Variants in ITPRID1 observed in about 807,000 individuals in gnomAD.
ITPRID1 encodes the protein ITPR interacting domain containing 1, also known as protein ITPRID1.
A neutral mutation model predicts 95.4 loss-of-function variants in ITPRID1; 96 were observed. That is an observed-to-expected ratio of 1.01 (90% CI 0.85 to 1.19). ITPRID1 has a LOEUF of 1.19. Among genes scored for constraint, ITPRID1 ranks in the 50% most tolerant of loss-of-function variants. The pLI is 0.00. For synonymous variants in ITPRID1, 510 were observed against 453.6 expected (o/e 1.12, Z -1.58); for missense variants, 1,339 against 1,252.9 (o/e 1.07, Z -1.04).
chr7:31,527,905 A>T (rs1217285814), intron 1 of ITPRID1, among the ~76,000 whole-genome samples: 1 of 152,164 alleles, frequency 6.6e-6, no homozygotes, highest in East Asian at 1.9e-4. Context: ...CCTGAAAGGG[A>T]AGTGTTCTAT....
chr7:31,590,889 A>G lies in ITPRID1; in HGVS notation c.1228+7698A>G, dbSNP rs373934267. 2.0e-5 allele frequency among the ~76,000 whole-genome samples: 3 copies of G among 152,358 alleles called. No individual in the cohort carries two copies. The East Asian group carries it at 5.8e-4, about 29-fold the overall frequency. ...GTAGGCACTGTTACTATTTCTGTGT[A>G]TTAGATGAAGAAACAAGCATGGAGA... is the stretch of plus-strand genomic sequence containing the variant. On this transcript the variant is annotated intron_variant, in intron 10 of 14. Coordinates refer to ENST00000615280, the MANE Select transcript of ITPRID1 (RefSeq NM_001257967.3).
At chr7:31,536,037 T>G (rs911251468) in intron 1 of ITPRID1, among the ~76,000 whole-genome samples, 1 of 152,170 alleles carries the variant, frequency 6.6e-6, no homozygotes, top group African/African-American at 2.4e-5. Context: ...TAGGAAAATA[T>G]CAGGCTATTA....
At chr7:31,610,427 CTATCT>C (rs553593310) in intron 10 of ITPRID1, among the ~76,000 whole-genome samples, 240 of 151,812 alleles carry the variant, frequency 1.6e-3, no homozygotes, top group African/African-American at 5.5e-3. Flanking sequence ...AACAGAAATC[CTATCT>C]TATCAATAAT....
chr7:31,591,380 G>A (rs1436225480), intron 10 of ITPRID1, among the ~76,000 whole-genome samples: 2 of 152,120 alleles, frequency 1.3e-5, no homozygotes, highest in Admixed American at 1.3e-4. Context: ...CACATATGCA[G>A]CCATAACAAC....
chr7:31,559,863 T>C (rs1784569995), intron 5 of ITPRID1, among the ~76,000 whole-genome samples: 1 of 152,222 alleles, frequency 6.6e-6, no homozygotes, highest in African/African-American at 2.4e-5. Context: ...ACATCAGCTC[T>C]ATTTCCTTGC....
At chr7:31,535,255 T>C (rs10249464) in intron 1 of ITPRID1, among the ~76,000 whole-genome samples, 88,933 of 151,804 alleles carry the variant, frequency 0.59, 27,063 homozygotes, top group Middle Eastern at 0.71. Context: ...ATGTAAAAAC[T>C]TTCTAATGGT....
chr7:31,577,392 T>C (rs1785223103), intron 8 of ITPRID1, among the ~76,000 whole-genome samples: 1 of 152,220 alleles, frequency 6.6e-6, no homozygotes, highest in Non-Finnish European at 1.5e-5. Context: ...CTTCTGACTC[T>C]ATATGCCATG....
At chr7:31,516,830 T>G (rs1248489530) in intron 1 of ITPRID1, among the ~76,000 whole-genome samples, 1 of 152,168 alleles carries the variant, frequency 6.6e-6, no homozygotes, top group African/African-American at 2.4e-5. Flanking sequence ...TGGTGGGTTC[T>G]CGGTCTCGCT....
chr7:31,631,439 G>T (rs1788987465), intron 10 of ITPRID1, among the ~76,000 whole-genome samples: 1 of 152,100 alleles, frequency 6.6e-6, no homozygotes. Context: ...TACATAGAAA[G>T]ATTTTAGTCA....
At chr7:31,589,399 CTG>C (rs944653908) in intron 10 of ITPRID1, among the ~76,000 whole-genome samples, 3 of 152,052 alleles carry the variant, frequency 2.0e-5, no homozygotes, top group Admixed American at 6.6e-5. Flanking sequence ...ACAGAGAAAA[CTG>C]TGCGAGAAAA....
rs555345839 is a variant in ITPRID1, at chr7:31,531,657, A to G, written c.-98+17537A>G. Among the ~76,000 whole-genome samples the G allele has an allele frequency of 3.9e-5, 6 of 152,316 alleles. No individual in the cohort carries two copies. In the South Asian group the frequency reaches 1.2e-3, roughly 32 times the overall value. On this transcript the variant is annotated intron_variant, in intron 1 of 14. Transcript: ENST00000615280. Reference sequence around the variant, plus strand: ...CTAGGGGTGCTGACAGGAGGCCTACAGGAAGCCCGCAGGGAATTCAACTAG... The same window carrying G: ...CTAGGGGTGCTGACAGGAGGCCTACGGGAAGCCCGCAGGGAATTCAACTAG...
chr7:31,529,574 C>A, intron 1 of ITPRID1: 1 of 531,706 alleles, frequency 1.9e-6, no homozygotes, highest in Non-Finnish European at 3.3e-6. Context: ...GAGAGAATCA[C>A]TTTGTGTCTT....
intron 10 of ITPRID1, among the ~76,000 whole-genome samples, chr7:31,614,090 T>C (rs1583574508): frequency 6.6e-6 from 1 of 152,264 alleles, no homozygotes; most frequent in Admixed American, 6.5e-5. Context: ...TATATCAAAG[T>C]TTAAGAACTC....
At chr7:31,600,284 G>A (rs1196518166) in intron 10 of ITPRID1, among the ~76,000 whole-genome samples, 1 of 152,164 alleles carries the variant, frequency 6.6e-6, no homozygotes, top group Non-Finnish European at 1.5e-5. Context: ...GTATCAGAAA[G>A]CTTTAACTTT....
At chr7:31,584,497 AG>A (rs1469708635) in intron 10 of ITPRID1, among the ~76,000 whole-genome samples, 1 of 152,220 alleles carries the variant, frequency 6.6e-6, no homozygotes, top group Non-Finnish European at 1.5e-5. Context: ...CATTCTATTA[AG>A]AGGTCAATTA....
At chr7:31,601,190 T>C (rs1200367005) in intron 10 of ITPRID1, among the ~76,000 whole-genome samples, 1 of 152,058 alleles carries the variant, frequency 6.6e-6, no homozygotes, top group African/African-American at 2.4e-5. Context: ...AATAGATAAA[T>C]AGAAAGCTGC....
At chr7:31,607,708 T>C (rs936872199) in intron 10 of ITPRID1, among the ~76,000 whole-genome samples, 5 of 144,980 alleles carry the variant, frequency 3.4e-5, no homozygotes, top group Admixed American at 7.2e-5. Flanking sequence ...TTAAATTATC[T>C]GTCAATAATT....
chr7:31,599,841 G>A (rs528436793), intron 10 of ITPRID1, among the ~76,000 whole-genome samples: 5 of 151,650 alleles, frequency 3.3e-5, no homozygotes, highest in East Asian at 1.9e-4. Context: ...GACTACAGGC[G>A]CCTGCCACCA....
intron 1 of ITPRID1, among the ~76,000 whole-genome samples, chr7:31,519,620 C>CTCTCTCCATATATATATA: frequency 7.9e-5 from 2 of 25,270 alleles, no homozygotes; most frequent in East Asian, 3.0e-3. Context: ...CTCTCTCTCT[C>CTCTCTCCATATATATATA]TATATATATA....
Sources: allele counts gnomAD v4.1 joint callset (sites outside exome capture counted in the v4.1 genomes callset), GRCh38; gene constraint gnomAD v4.1.1; transcripts MANE v1.5; gene names NCBI Gene and HGNC (gene_info 2026-07-23, HGNC 2026-07-21).